Variants in ABCC1 observed in about 807,000 individuals in gnomAD.
ABCC1 encodes the protein multidrug resistance-associated protein 1.
In ABCC1, 83 loss-of-function variants were observed where a neutral mutation model predicts 172.9. The observed-to-expected ratio is 0.48, with a 90% CI of 0.40 to 0.58. The LOEUF (loss-of-function observed/expected upper bound fraction) is 0.58, where lower values mean the gene tolerates loss of function less well. Among genes scored for constraint, ABCC1 ranks in the 20% least tolerant of loss-of-function variants. ABCC1 has a pLI of 0.00. For synonymous variants in ABCC1, 937 were observed against 825.2 expected (o/e 1.14, Z -2.32); for missense variants, 1,817 against 2,002.7 (o/e 0.91, Z 1.77).
intron 1 of ABCC1, among the ~76,000 whole-genome samples, chr16:15,967,049 G>C (rs987534741): frequency 6.6e-6 from 1 of 152,098 alleles, no homozygotes; most frequent in African/African-American, 2.4e-5. Flanking sequence ...CGTGGAGTGA[G>C]CCGTTTGACG....
chr16:16,116,413 A>G (rs1435377858), intron 23 of ABCC1, among the ~76,000 whole-genome samples: 1 of 152,090 alleles, frequency 6.6e-6, no homozygotes, highest in African/African-American at 2.4e-5. Flanking sequence ...AATCCTACAT[A>G]TCCTGTTTTT....
chr16:15,987,766 C>T (rs2046774595), intron 1 of ABCC1, among the ~76,000 whole-genome samples: 1 of 152,228 alleles, frequency 6.6e-6, no homozygotes, highest in East Asian at 1.9e-4. Flanking sequence ...CTGTCTCCTC[C>T]CTGCCTTCTT....
chr16:16,048,984 CA>C (rs112797521), intron 10 of ABCC1, among the ~76,000 whole-genome samples: 3,000 of 103,236 alleles, frequency 0.029, 83 homozygotes, highest in African/African-American at 0.083. Context: ...ACTCCAATTC[CA>C]AAAAAAAAAA....
At chr16:15,962,865 C>T (rs1382281948) in intron 1 of ABCC1, among the ~76,000 whole-genome samples, 2 of 152,152 alleles carry the variant, frequency 1.3e-5, no homozygotes, top group Non-Finnish European at 2.9e-5. Flanking sequence ...TGGCCCCTCC[C>T]AAATCTCATC....
In ABCC1 at chr16:16,132,230, C is replaced by T. The variant is rs140082244; in HGVS notation, c.3966+295C>T. Among the ~76,000 whole-genome samples, 299 of 152,174 alleles carry T rather than the reference C, an allele frequency of 2.0e-3. 1 individual carries two copies. Among genetic ancestry groups the T allele is most frequent in the African/African-American group, 7.0e-3 (289 of 41,500 alleles). ...GTTGAGAGAGGGTCTTGCTCTGTTA[C>T]CCAGGCTAGAGTGCAGTGGTGTGAT... On this transcript the variant is annotated intron_variant, in intron 27 of 30. Coordinates refer to ENST00000399410, the MANE Select transcript of ABCC1 (RefSeq NM_004996.4).
chr16:16,089,805 C>T (rs954684995), intron 18 of ABCC1, among the ~76,000 whole-genome samples: 8 of 149,526 alleles, frequency 5.4e-5, no homozygotes, highest in South Asian at 2.2e-4. Context: ...TGCTTGAACC[C>T]GGGAGGCGGA....
In ABCC1 at chr16:16,068,857, G is replaced by A. The variant is rs758711254; in HGVS notation, c.1824+555G>A. On this transcript the variant is annotated intron_variant, in intron 13 of 30. Coordinates refer to ENST00000399410, the MANE Select transcript of ABCC1 (RefSeq NM_004996.4). ...CAAAAATTAGCCAGGTGTGGTGGCG[G>A]GTCCCTGTAATCCCAGCTACTCGGA... Among the ~76,000 whole-genome samples, 65 of 151,880 alleles carry A rather than the reference G, an allele frequency of 4.3e-4. No individual in the cohort carries two copies. The Middle Eastern group carries it at 0.02, about 48-fold the overall frequency.
intron 1 of ABCC1, among the ~76,000 whole-genome samples, chr16:15,997,482 ACTCAT>A (rs2047097343): frequency 6.6e-6 from 1 of 152,004 alleles, no homozygotes; most frequent in South Asian, 2.1e-4. Flanking sequence ...CGTGTTCAGG[ACTCAT>A]CTCTTGTGGC....
At chr16:16,058,952 G>A (rs1170401348) in intron 12 of ABCC1, among the ~76,000 whole-genome samples, 1 of 152,190 alleles carries the variant, frequency 6.6e-6, no homozygotes, top group Non-Finnish European at 1.5e-5. Context: ...CACAGTGCTG[G>A]CTGTTAGCTT....
intron 20 of ABCC1, among the ~76,000 whole-genome samples, chr16:16,104,120 T>C (rs1421501803): frequency 6.6e-6 from 1 of 152,022 alleles, no homozygotes; most frequent in Non-Finnish European, 1.5e-5. Flanking sequence ...TGATGGTGAG[T>C]GTTACAGCTC....
chr16:16,103,434 G>A (rs1430065314), intron 20 of ABCC1, among the ~76,000 whole-genome samples: 1 of 152,092 alleles, frequency 6.6e-6, no homozygotes, highest in Non-Finnish European at 1.5e-5. Flanking sequence ...ACAAAAATTA[G>A]CCAGGCATGG....
intron 15 of ABCC1, among the ~76,000 whole-genome samples, chr16:16,078,813 A>G (rs906150510): frequency 1.3e-5 from 2 of 152,088 alleles, no homozygotes; most frequent in Non-Finnish European, 2.9e-5. Flanking sequence ...AGTAGCTGGG[A>G]CCACAGGCCC....
chr16:16,039,385 G>A (rs1277517414), intron 7 of ABCC1, among the ~76,000 whole-genome samples: 4 of 150,142 alleles, frequency 2.7e-5, no homozygotes, highest in African/African-American at 7.4e-5. Flanking sequence ...CTTCTGCCCC[G>A]GTCTCCCAAA....
At chr16:16,031,731 C>T (rs570770032) in intron 5 of ABCC1, among the ~76,000 whole-genome samples, 2 of 152,272 alleles carry the variant, frequency 1.3e-5, no homozygotes, top group East Asian at 1.9e-4. Context: ...CTGTCTGCCT[C>T]GGGGGCGCCT....
intron 1 of ABCC1, among the ~76,000 whole-genome samples, chr16:15,968,152 C>G (rs189088669): frequency 2.0e-5 from 3 of 152,198 alleles, no homozygotes; most frequent in African/African-American, 7.2e-5. Context: ...CTCAGCCTCC[C>G]GAGTAGCTGG....
chr16:16,020,873 A>C (rs958396623), intron 5 of ABCC1, among the ~76,000 whole-genome samples: 5 of 152,204 alleles, frequency 3.3e-5, no homozygotes, highest in African/African-American at 1.2e-4. Flanking sequence ...TTTTACAGAC[A>C]AACAATCGCA....
chr16:16,017,242 T>A (rs892464961), intron 5 of ABCC1, among the ~76,000 whole-genome samples: 1 of 152,152 alleles, frequency 6.6e-6, no homozygotes, highest in African/African-American at 2.4e-5. Flanking sequence ...CTTTTCTTCT[T>A]TTTTTTGAGA....
At chr16:16,059,969 C>T (rs1341459221) in intron 12 of ABCC1, among the ~76,000 whole-genome samples, 1 of 151,920 alleles carries the variant, frequency 6.6e-6, no homozygotes, top group African/African-American at 2.4e-5. Flanking sequence ...GCACTCTAAG[C>T]CTGGGCAACA....
intron 21 of ABCC1, among the ~76,000 whole-genome samples, chr16:16,107,827 T>C (rs1440916714): frequency 6.6e-6 from 1 of 152,044 alleles, no homozygotes; most frequent in Non-Finnish European, 1.5e-5. Flanking sequence ...TTTTTTGTTT[T>C]TGTTTTTAAA....
Sources: gnomAD v4.1 joint callset for allele counts (sites outside exome capture counted in the v4.1 genomes callset) on GRCh38, gnomAD v4.1.1 for gene constraint, MANE v1.5 for transcripts, NCBI Gene and HGNC (gene_info 2026-07-23, HGNC 2026-07-21) for gene names.